The following STAM variants were observed in gnomAD, a reference collection of about 807,000 sequenced individuals.
STAM encodes signal transducing adaptor molecule.
A neutral mutation model predicts 63.4 loss-of-function variants in STAM; 16 were observed. The ratio of observed to expected loss-of-function variants is 0.25; its 90% confidence interval spans 0.17 to 0.38. The LOEUF is 0.38. STAM is among the 10% of genes least tolerant of loss of function. The pLI, the probability that STAM is intolerant of heterozygous loss-of-function variation, is 1.00. For missense variants in STAM, 636 were observed against 657.1 expected (o/e 0.97, Z 0.35); for synonymous variants, 238 against 223.9 (o/e 1.06, Z -0.56).
intron 2 of STAM, among the ~76,000 whole-genome samples, chr10:17,665,544 GACT>G (rs1175242638): frequency 2.0e-5 from 3 of 151,550 alleles, no homozygotes; most frequent in Non-Finnish European, 4.4e-5. Flanking sequence ...GTTACTTATT[GACT>G]ACTTATTGTA....
intron 9 of STAM, among the ~76,000 whole-genome samples, chr10:17,702,604 T>G (rs1397187821): frequency 2.0e-5 from 3 of 152,186 alleles, no homozygotes; most frequent in Admixed American, 2.0e-4. Flanking sequence ...TAGCAATCTT[T>G]TATGGGAGGC....
Position 17,660,502 on chromosome 10 carries a change from G to A in STAM, c.79G>A (p.Gly27Ser), listed in dbSNP as rs1793482686. The A allele has an allele frequency of 6.2e-7, 1 of 1,606,892 alleles. No homozygotes were observed. The highest frequency in any genetic ancestry group is 8.5e-7 in the Non-Finnish European group (1 of 1,176,500). The stretch of plus-strand genomic sequence containing the variant: ...CGAGATGAATACTGCTGAGGACTGG[G>A]GCCTCATTTTGGATATCTGTGATAA... ...TSEMNTAEDW[G>S]LILDICDKVG... The change falls in exon 2 of 14, where the codon GGC (glycine) becomes AGC (serine). Residue 27 changes from glycine to serine, a missense_variant. Transcript: ENST00000377524.
In STAM at chr10:17,714,534, C is replaced by T; in HGVS notation, c.1386-9C>T. On this transcript the variant is annotated splice_polypyrimidine_tract_variant and intron_variant, in intron 13 of 13. Transcript: ENST00000377524. ...ATTGATGTAATTGAGTGTTTTTCTT[C>T]CTCCACAGTACAATGGTCAGTTCCG... 2 of 1,611,852 alleles carry T rather than the reference C, an allele frequency of 1.2e-6. No individual in the cohort carries two copies. The highest frequency in any genetic ancestry group is 1.7e-6 in the Non-Finnish European group (2 of 1,178,092).
intron 5 of STAM, among the ~76,000 whole-genome samples, chr10:17,689,420 A>G (rs543439818): frequency 6.6e-6 from 1 of 152,312 alleles, no homozygotes; most frequent in East Asian, 1.9e-4. Flanking sequence ...CACTCTTGAG[A>G]TGTGAAGACT....
chr10:17,708,766 A>G lies in STAM; in HGVS notation c.1210-10A>G. ...TAGAATTGAATATGATTTCTCTTTA[A>G]CCATCGCAGGTGTATGCAGGGCCTC... On this transcript the variant is annotated splice_polypyrimidine_tract_variant and intron_variant, in intron 12 of 13. Transcript: ENST00000377524. The G allele has an allele frequency of 6.3e-7, 1 of 1,593,236 alleles. No individual in the cohort carries two copies. The highest frequency in any genetic ancestry group is 8.6e-7 in the Non-Finnish European group (1 of 1,166,046).
At position 17,670,573 on chromosome 10, in the gene STAM, T is replaced by C. The variant is rs528318037; in HGVS notation, c.125+10025T>C. 3.9e-5 allele frequency among the ~76,000 whole-genome samples: 6 copies of C among 152,328 alleles called. No individual in the cohort carries two copies. The South Asian group carries it at 6.2e-4, about 16-fold the overall frequency. The stretch of plus-strand genomic sequence containing the variant: ...TACGTTATGTTACATTGTGTTTTGT[T>C]TGACTGAAATATACCTTAGTGTTAC... On this transcript the variant is annotated intron_variant, in intron 2 of 13. Transcript: ENST00000377524.
At position 17,705,038 on chromosome 10, in the gene STAM, G is replaced by T; in HGVS notation, c.1055+14G>T. The stretch of plus-strand genomic sequence containing the variant: ...AGATATTGATAGGTAAAAGAACATG[G>T]GTGCATTTATGTTGTGTACCTTCTT... On this transcript the variant is annotated intron_variant, in intron 11 of 13. Transcript: ENST00000377524. 2 of 1,610,416 alleles carry T rather than the reference G, an allele frequency of 1.2e-6. No homozygotes were observed. Among genetic ancestry groups the T allele is most frequent in the Non-Finnish European group, 1.7e-6 (2 of 1,177,406 alleles).
intron 2 of STAM, among the ~76,000 whole-genome samples, chr10:17,668,588 C>G (rs1336964726): frequency 6.6e-6 from 1 of 152,184 alleles, no homozygotes; most frequent in African/African-American, 2.4e-5. Flanking sequence ...GTTTTATCAC[C>G]TTAAAATGAC....
At chr10:17,692,412 C>T (rs1404543591) in intron 5 of STAM, among the ~76,000 whole-genome samples, 2 of 152,072 alleles carry the variant, frequency 1.3e-5, no homozygotes, top group African/African-American at 2.4e-5. Context: ...AGGGGGAGAA[C>T]GTTGTAAGTA....
intron 13 of STAM, among the ~76,000 whole-genome samples, chr10:17,710,423 A>G (rs958037529): frequency 6.6e-6 from 1 of 151,864 alleles, no homozygotes; most frequent in Admixed American, 6.6e-5. Flanking sequence ...GTAGCTATTA[A>G]TGTCACCTCT....
chr10:17,663,335 T>G (rs1272985542), intron 2 of STAM, among the ~76,000 whole-genome samples: 1 of 152,158 alleles, frequency 6.6e-6, no homozygotes, highest in Non-Finnish European at 1.5e-5. Context: ...TTTAGACACA[T>G]GCTCATTTTT....
intron 6 of STAM, among the ~76,000 whole-genome samples, chr10:17,694,169 T>C (rs2131655982): frequency 6.6e-6 from 1 of 152,286 alleles, no homozygotes; most frequent in Non-Finnish European, 1.5e-5. Flanking sequence ...CTGTTGTAAT[T>C]ATTGTAGGTA....
chr10:17,670,331 AC>A (rs1244510406), intron 2 of STAM, among the ~76,000 whole-genome samples: 7 of 152,180 alleles, frequency 4.6e-5, no homozygotes, highest in African/African-American at 1.7e-4. Context: ...AGATGAGAAA[AC>A]TAAAGCCCTG....
intron 8 of STAM, among the ~76,000 whole-genome samples, chr10:17,698,892 A>C (rs1835872356): frequency 6.6e-6 from 1 of 152,234 alleles, no homozygotes; most frequent in Non-Finnish European, 1.5e-5. Context: ...AGCTCAAGAT[A>C]TAAAAAGCAA....
At chr10:17,702,353 T>C (rs1211988363) in intron 9 of STAM, among the ~76,000 whole-genome samples, 2 of 152,144 alleles carry the variant, frequency 1.3e-5, no homozygotes, top group East Asian at 1.9e-4. Flanking sequence ...AGTAGAAATA[T>C]GATAAGTTCA....
chr10:17,684,652 T>G (rs200934917), intron 2 of STAM, 23 bp from the exon 3 acceptor site: 1 of 1,603,414 alleles, frequency 6.2e-7, no homozygotes, highest in African/African-American at 1.3e-5. Context: ...ATTAAGTAAT[T>G]TTTACTTTTC....
chr10:17,651,064 CAAAAAAAAAAAA>C (rs10606057), intron 1 of STAM, among the ~76,000 whole-genome samples: 5 of 55,770 alleles, frequency 9.0e-5, no homozygotes, highest in Admixed American at 2.5e-4. Context: ...GAGTCCGTCT[CAAAAAAAAAAAA>C]AAAAAAAAAA....
At chr10:17,648,972 TC>T (rs1419046986) in intron 1 of STAM, among the ~76,000 whole-genome samples, 1 of 152,206 alleles carries the variant, frequency 6.6e-6, no homozygotes, top group African/African-American at 2.4e-5. Context: ...CATTCCTGCC[TC>T]TGTAGCTATA....
intron 2 of STAM, among the ~76,000 whole-genome samples, chr10:17,679,037 T>C (rs1348358107): frequency 2.6e-5 from 4 of 152,224 alleles, no homozygotes; most frequent in Non-Finnish European, 5.9e-5. Context: ...GACATTTGGC[T>C]GTTGTGAATA....
Sources: allele counts gnomAD v4.1 joint callset (sites outside exome capture counted in the v4.1 genomes callset), GRCh38; gene constraint gnomAD v4.1.1; transcripts MANE v1.5; gene names NCBI Gene and HGNC (gene_info 2026-07-23, HGNC 2026-07-21).